The following RHOBTB1 variants were observed in gnomAD, a reference collection of about 807,000 sequenced individuals.
The protein encoded by RHOBTB1 is Rho related BTB domain containing 1, also known as rho-related BTB domain-containing protein 1.
A neutral mutation model predicts 71.6 loss-of-function variants in RHOBTB1; 40 were observed. The observed-to-expected ratio is 0.56, with a 90% CI of 0.43 to 0.73. The LOEUF (loss-of-function observed/expected upper bound fraction) is 0.73, where lower values mean the gene tolerates loss of function less well. Among genes scored for constraint, RHOBTB1 ranks in the 30% least tolerant of loss-of-function variants. The pLI is 0.00. For missense variants in RHOBTB1, 797 were observed against 894.0 expected (o/e 0.89, Z 1.38); for synonymous variants, 319 against 334.9 (o/e 0.95, Z 0.52).
downstream of RHOBTB1, among the ~76,000 whole-genome samples, chr10:60,868,516 T>C (rs1258660347): frequency 6.6e-6 from 1 of 152,210 alleles, no homozygotes; most frequent in Non-Finnish European, 1.5e-5. Context: ...AAAAACTGAA[T>C]TTTGACAACT....
At chr10:60,866,739 C>G (rs1198016525), downstream of RHOBTB1, among the ~76,000 whole-genome samples, 1 of 152,026 alleles carries the variant, frequency 6.6e-6, no homozygotes, top group Admixed American at 6.6e-5. Flanking sequence ...AAGGGTCACC[C>G]TTTCTTCTTT....
At chr10:60,879,859 G>C (rs996150747) in intron 7 of RHOBTB1, among the ~76,000 whole-genome samples, 4 of 151,876 alleles carry the variant, frequency 2.6e-5, no homozygotes, top group Non-Finnish European at 5.9e-5. Context: ...TCTATCTGTG[G>C]GTTCCACATC....
intron 2 of RHOBTB1, among the ~76,000 whole-genome samples, chr10:60,924,649 T>TA (rs1319272199): frequency 6.6e-6 from 1 of 152,144 alleles, no homozygotes; most frequent in Admixed American, 6.5e-5. Context: ...CAAATGGACC[T>TA]AACAGACATT....
intron 2 of RHOBTB1, among the ~76,000 whole-genome samples, chr10:60,951,858 A>T (rs558639747): frequency 3.9e-5 from 6 of 152,192 alleles, no homozygotes; most frequent in Non-Finnish European, 8.8e-5. Flanking sequence ...GGAGTTTGAG[A>T]CCAGCCTGGT....
intron 1 of RHOBTB1, among the ~76,000 whole-genome samples, chr10:60,986,724 G>A (rs1205230906): frequency 6.6e-6 from 1 of 151,956 alleles, no homozygotes; most frequent in Non-Finnish European, 1.5e-5. Flanking sequence ...TATAAAAACT[G>A]AAGGGCAAAA....
chr10:60,969,992 G>A (rs916738248), intron 2 of RHOBTB1, among the ~76,000 whole-genome samples: 1 of 151,972 alleles, frequency 6.6e-6, no homozygotes, highest in East Asian at 1.9e-4. Flanking sequence ...GGCAAACTGG[G>A]CCAACCGTTT....
intron 2 of RHOBTB1, among the ~76,000 whole-genome samples, chr10:60,958,006 T>C (rs576827524): frequency 6.6e-6 from 1 of 152,298 alleles, no homozygotes; most frequent in Non-Finnish European, 1.5e-5. Flanking sequence ...ACACCACTTG[T>C]GAGTGTCTGC....
chr10:60,985,621 G>T (rs1365130198), intron 2 of RHOBTB1, among the ~76,000 whole-genome samples: 2 of 152,042 alleles, frequency 1.3e-5, no homozygotes, highest in Non-Finnish European at 2.9e-5. Flanking sequence ...AGGTCCAAAT[G>T]ACTCAAATTC....
intron 2 of RHOBTB1, among the ~76,000 whole-genome samples, chr10:60,917,565 G>C (rs1268069692): frequency 2.6e-5 from 4 of 152,152 alleles, no homozygotes; most frequent in Non-Finnish European, 5.9e-5. Context: ...GTCCTCACAT[G>C]ACAGGCAGAG....
intron 2 of RHOBTB1, among the ~76,000 whole-genome samples, chr10:60,933,613 G>A (rs371212823): frequency 9.9e-4 from 150 of 151,956 alleles, no homozygotes; most frequent in African/African-American, 3.2e-3. Context: ...CAAGCTAGTC[G>A]GGAGGCTGAG....
chr10:60,979,689 A>G (rs552533023), intron 2 of RHOBTB1, among the ~76,000 whole-genome samples: 2 of 152,200 alleles, frequency 1.3e-5, no homozygotes, highest in African/African-American at 4.8e-5. Flanking sequence ...AAAGACTGTA[A>G]CAACGAGTGA....
chr10:60,902,361 T>C (rs1281388616), intron 4 of RHOBTB1, among the ~76,000 whole-genome samples: 2 of 152,222 alleles, frequency 1.3e-5, no homozygotes, highest in Non-Finnish European at 2.9e-5. Context: ...ATAACAGCAA[T>C]AATCCACCTT....
intron 1 of RHOBTB1, among the ~76,000 whole-genome samples, chr10:60,987,919 C>CTT (rs71018937): frequency 0.042 from 2,243 of 53,712 alleles, 267 homozygotes; most frequent in Non-Finnish European, 0.051. Context: ...AAATACTCAA[C>CTT]TTTTTTTTTT....
chr10:60,957,430 C>T (rs150638003), intron 2 of RHOBTB1, among the ~76,000 whole-genome samples: 41 of 152,210 alleles, frequency 2.7e-4, no homozygotes, highest in African/African-American at 5.8e-4. Flanking sequence ...GTTATGGGAC[C>T]GCTGTCGTAT....
At chr10:60,976,922 G>A (rs1289745279) in intron 2 of RHOBTB1, among the ~76,000 whole-genome samples, 1 of 151,950 alleles carries the variant, frequency 6.6e-6, no homozygotes, top group Admixed American at 6.6e-5. Context: ...CAGCTAACAA[G>A]CCAATCTTTA....
chr10:60,955,031 T>TTTTC (rs1225896078), intron 2 of RHOBTB1, among the ~76,000 whole-genome samples: 51 of 127,922 alleles, frequency 4.0e-4, no homozygotes, highest in East Asian at 1.1e-3. Flanking sequence ...GAATCTTTTC[T>TTTTC]TTTCTTTCTT....
At chr10:60,912,337 G>A (rs951471811) in intron 2 of RHOBTB1, among the ~76,000 whole-genome samples, 5 of 152,050 alleles carry the variant, frequency 3.3e-5, no homozygotes, top group Admixed American at 6.5e-5. Flanking sequence ...GGGTTCAAGC[G>A]ATTCGCCTGG....
At chr10:60,984,866 A>C (rs1194360246) in intron 2 of RHOBTB1, among the ~76,000 whole-genome samples, 1 of 152,216 alleles carries the variant, frequency 6.6e-6, no homozygotes, top group South Asian at 2.1e-4. Flanking sequence ...ACAATTTTCA[A>C]GGAACCTCAG....
chr10:60,968,847 G>A (rs961677258), intron 2 of RHOBTB1, among the ~76,000 whole-genome samples: 1 of 151,966 alleles, frequency 6.6e-6, no homozygotes, highest in Non-Finnish European at 1.5e-5. Context: ...GCATCCTTGG[G>A]GCTAAGATGA....
Sources: allele counts gnomAD v4.1 joint callset (sites outside exome capture counted in the v4.1 genomes callset), GRCh38; gene constraint gnomAD v4.1.1; transcripts MANE v1.5; gene names NCBI Gene and HGNC (gene_info 2026-07-23, HGNC 2026-07-21).